The following SND1 variants were observed in gnomAD, a reference collection of about 807,000 sequenced individuals.
The protein encoded by SND1 is staphylococcal nuclease and tudor domain containing 1, also known as staphylococcal nuclease domain-containing protein 1.
A neutral mutation model predicts 121.7 loss-of-function variants in SND1; 38 were observed. The ratio of observed to expected loss-of-function variants is 0.31; its 90% CI spans 0.24 to 0.41. The LOEUF (loss-of-function observed/expected upper bound fraction) is 0.41. Among genes scored for constraint, SND1 ranks in the 10% least tolerant of loss-of-function variants. SND1 has a pLI of 1.00. For missense variants in SND1, 868 were observed against 1,184.6 expected (o/e 0.73, Z 3.92); for synonymous variants, 401 against 447.4 (o/e 0.90, Z 1.31).
At chr7:127,979,305 T>C (rs1317661207) in intron 15 of SND1, among the ~76,000 whole-genome samples, 1 of 152,210 alleles carries the variant, frequency 6.6e-6, no homozygotes, top group African/African-American at 2.4e-5. Context: ...CAATTTTACT[T>C]CTGTAGAAGG....
chr7:127,860,092 G>T (rs188923418), intron 12 of SND1, among the ~76,000 whole-genome samples: 98 of 152,306 alleles, frequency 6.4e-4, no homozygotes, highest in Non-Finnish European at 5.7e-4. Context: ...GTTAAAGTGT[G>T]ACCTTGCAAG....
At chr7:127,656,949 G>A (rs1795221876) in intron 1 of SND1, among the ~76,000 whole-genome samples, 1 of 152,224 alleles carries the variant, frequency 6.6e-6, no homozygotes, top group Non-Finnish European at 1.5e-5. Flanking sequence ...CCATTTCCCG[G>A]CAGGTAAGCC....
At chr7:127,863,169 C>T (rs749982118) in intron 12 of SND1, among the ~76,000 whole-genome samples, 10 of 152,262 alleles carry the variant, frequency 6.6e-5, no homozygotes, top group African/African-American at 2.4e-5. Flanking sequence ...GCTTACTGTG[C>T]GCCAGGCACT....
chr7:128,045,209 T>C (rs1370872349), intron 16 of SND1, among the ~76,000 whole-genome samples: 2 of 152,238 alleles, frequency 1.3e-5, no homozygotes, highest in East Asian at 3.9e-4. Context: ...ACAACTGTGC[T>C]GGGCTGCCTG....
chr7:127,975,552 A>T (rs1157213091), intron 15 of SND1, among the ~76,000 whole-genome samples: 1 of 152,064 alleles, frequency 6.6e-6, no homozygotes, highest in Non-Finnish European at 1.5e-5. Flanking sequence ...GTGATACTAC[A>T]CAAGAATGGC....
Position 128,067,100 on chromosome 7 carries a change from T to A in SND1, c.1780-7402T>A, listed in dbSNP as rs114087341. On this transcript the variant is annotated intron_variant, in intron 16 of 23. Transcript: ENST00000354725. ...CTCTCCTGTTGGCTTGCAGGCACAG[T>A]CTGTCAGCTTTGCTGCCCCCATTCT... 2.2e-3 allele frequency among the ~76,000 whole-genome samples: 337 copies of A among 152,282 alleles called. 3 individuals are homozygous for A. The highest frequency in any genetic ancestry group is 7.9e-3 in the African/African-American group (330 of 41,536).
chr7:127,709,637 A>C (rs1488732741), intron 9 of SND1, among the ~76,000 whole-genome samples: 2 of 152,208 alleles, frequency 1.3e-5, no homozygotes, highest in Non-Finnish European at 2.9e-5. Context: ...TTCCATTTTC[A>C]AAAATCTAGG....
intron 9 of SND1, among the ~76,000 whole-genome samples, chr7:127,715,686 A>G (rs1796374729): frequency 6.6e-6 from 1 of 152,110 alleles, no homozygotes; most frequent in South Asian, 2.1e-4. Flanking sequence ...CTATTTTGTC[A>G]GTTGCCTTTT....
At chr7:127,866,357 G>A (rs1443994348) in intron 12 of SND1, among the ~76,000 whole-genome samples, 1 of 152,186 alleles carries the variant, frequency 6.6e-6, no homozygotes, top group African/African-American at 2.4e-5. Flanking sequence ...GAAGCATATA[G>A]CATTTTGGAT....
intron 1 of SND1, among the ~76,000 whole-genome samples, chr7:127,673,195 T>C (rs1795556421): frequency 6.8e-6 from 1 of 146,636 alleles, no homozygotes; most frequent in Non-Finnish European, 1.5e-5. Flanking sequence ...TATATTATAA[T>C]ATATGATATA....
rs368618505 is a variant in SND1, at chr7:128,091,647, A to AAG, written c.2623-187_2623-186dup. On this transcript the variant is annotated intron_variant, in intron 22 of 23. Coordinates refer to ENST00000354725, the MANE Select transcript of SND1 (RefSeq NM_014390.4). ...CCAGGCAGACAGAAGAGCTAGTGCG[A>AAG]AGAGTTAAGGGAAAAGCCAGGAGAC... Among the ~76,000 whole-genome samples the AAG allele has an allele frequency of 3.6e-3, 555 of 152,284 alleles. 2 individuals are homozygous for AAG. The highest frequency in any genetic ancestry group is 0.012 in the African/African-American group (501 of 41,550).
chr7:127,996,753 C>T (rs1165200341), intron 16 of SND1, among the ~76,000 whole-genome samples: 2 of 152,136 alleles, frequency 1.3e-5, no homozygotes, highest in Non-Finnish European at 2.9e-5. Flanking sequence ...TCACAAAGCC[C>T]CCTTATTCTA....
At chr7:127,886,849 CAAAAAA>C (rs11413396) in intron 12 of SND1, among the ~76,000 whole-genome samples, 2 of 118,424 alleles carry the variant, frequency 1.7e-5, no homozygotes, top group African/African-American at 6.3e-5. Flanking sequence ...CTTATTCTGG[CAAAAAA>C]AAAAAAAAAA....
At chr7:127,772,659 C>T (rs1440589146) in intron 10 of SND1, among the ~76,000 whole-genome samples, 2 of 151,906 alleles carry the variant, frequency 1.3e-5, no homozygotes, top group Non-Finnish European at 2.9e-5. Context: ...CATTTTGATA[C>T]TTGTTTACAT....
chr7:127,691,279 A>G (rs1345446690), intron 2 of SND1, among the ~76,000 whole-genome samples: 1 of 152,186 alleles, frequency 6.6e-6, no homozygotes, highest in East Asian at 1.9e-4. Flanking sequence ...GCAGTGGCTT[A>G]TGCCTGTAAT....
intron 1 of SND1, among the ~76,000 whole-genome samples, chr7:127,681,188 A>G (rs1026437310): frequency 3.3e-5 from 5 of 152,178 alleles, no homozygotes; most frequent in Admixed American, 1.3e-4. Flanking sequence ...GATTTTAGCT[A>G]TCCTAGTGGT....
intron 15 of SND1, among the ~76,000 whole-genome samples, chr7:127,948,845 A>C (rs1425012820): frequency 1.3e-5 from 2 of 152,202 alleles, no homozygotes; most frequent in East Asian, 3.8e-4. Context: ...TCTTGTTAGG[A>C]TTATAGATTC....
chr7:127,778,418 C>T (rs999122702), intron 10 of SND1, among the ~76,000 whole-genome samples: 11 of 152,078 alleles, frequency 7.2e-5, no homozygotes, highest in Admixed American at 2.0e-4. Context: ...AGGATGGTCT[C>T]GATCTCCTGA....
intron 16 of SND1, among the ~76,000 whole-genome samples, chr7:128,038,369 C>T (rs1185434151): frequency 6.6e-6 from 1 of 152,152 alleles, no homozygotes; most frequent in Non-Finnish European, 1.5e-5. Context: ...TCTTACATAC[C>T]GCGTATATAT....
Sources: allele counts gnomAD v4.1 joint callset (sites outside exome capture counted in the v4.1 genomes callset), GRCh38; gene constraint gnomAD v4.1.1; transcripts MANE v1.5; gene names NCBI Gene and HGNC (gene_info 2026-07-23, HGNC 2026-07-21).